Variants in SMPDL3A observed in about 807,000 individuals in gnomAD.
The protein encoded by SMPDL3A is cyclic GMP-AMP phosphodiesterase SMPDL3A.
Under a neutral mutation model 38.5 loss-of-function variants are expected in SMPDL3A, and 39 were observed. That is an observed-to-expected ratio of 1.01 (90% CI 0.78 to 1.32). SMPDL3A has a LOEUF of 1.32. SMPDL3A is among the 40% of genes most tolerant of loss of function. The pLI is 0.00. For synonymous variants in SMPDL3A, 180 were observed against 194.3 expected (o/e 0.93, Z 0.61); for missense variants, 502 against 536.2 (o/e 0.94, Z 0.63).
chr6:122,801,369 A>G lies in SMPDL3A; in HGVS notation c.531A>G (p.Pro177=). 1 of 1,613,258 alleles carries G rather than the reference A, an allele frequency of 6.2e-7. No individual in the cohort carries two copies. The highest frequency in any genetic ancestry group is 8.5e-7 in the Non-Finnish European group (1 of 1,179,168). ...VYNAVANLWK[P]WLDEEAISTL... ...ATGCAGTAGCAAACCTCTGGAAACCATGGCTAGATGAAGAAGCTATTAGTA... is the reference window on the plus strand; with the variant it reads ...ATGCAGTAGCAAACCTCTGGAAACCGTGGCTAGATGAAGAAGCTATTAGTA... Residue 177 remains proline (P), a synonymous_variant, in exon 4 of 8, where the codon CCA becomes CCG. Transcript: ENST00000368440.
At chr6:122,798,340 T>A (rs1168311959) in intron 3 of SMPDL3A, among the ~76,000 whole-genome samples, 5 of 152,152 alleles carry the variant, frequency 3.3e-5, no homozygotes, top group African/African-American at 1.2e-4. Context: ...CAGCCCAAGG[T>A]CACACACATT....
chr6:122,807,465 C>G (rs1017318046), intron 7 of SMPDL3A, among the ~76,000 whole-genome samples: 18 of 152,120 alleles, frequency 1.2e-4, no homozygotes, highest in Non-Finnish European at 2.1e-4. Context: ...CGCCACTGCA[C>G]TCCAGCCTGG....
At chr6:122,801,462 A>G in intron 4 of SMPDL3A, 56 bp downstream of exon 4, 1 of 1,262,970 alleles carries the variant, frequency 7.9e-7, no homozygotes, top group Non-Finnish European at 1.2e-6. Flanking sequence ...CATGTTATTT[A>G]GACTTAAATT....
intron 3 of SMPDL3A, among the ~76,000 whole-genome samples, chr6:122,800,754 G>T (rs77663991): frequency 2.0e-5 from 3 of 151,892 alleles, no homozygotes; most frequent in East Asian, 1.9e-4. Flanking sequence ...TTGTTTGTTT[G>T]TTTTTTTGTT....
intron 3 of SMPDL3A, among the ~76,000 whole-genome samples, chr6:122,797,677 C>T (rs1209863344): frequency 1.3e-5 from 2 of 152,150 alleles, no homozygotes; most frequent in Non-Finnish European, 2.9e-5. Flanking sequence ...GGGCAATTGT[C>T]TCCTGTGGTA....
intron 1 of SMPDL3A, chr6:122,789,848 C>G: frequency 2.0e-6 from 2 of 985,424 alleles, no homozygotes; most frequent in Non-Finnish European, 2.4e-6. Context: ...TCCAGCACAG[C>G]AAGAGGCCCC....
chr6:122,804,852 G>A (rs1047590378), intron 5 of SMPDL3A, 57 bp from the exon 6 acceptor site: 63 of 1,458,064 alleles, frequency 4.3e-5, no homozygotes, highest in Non-Finnish European at 5.6e-5. Context: ...ATGTCATTTA[G>A]TTATGATGAA....
chr6:122,795,674 C>T lies in SMPDL3A; in HGVS notation c.113-3C>T, dbSNP rs766480615. Reference sequence around the variant, plus strand: ...TTATCTGCATTTTTTGTGTAATCAACAGGACAGTTTTGGCATGTGACTGAC... The same window carrying T: ...TTATCTGCATTTTTTGTGTAATCAATAGGACAGTTTTGGCATGTGACTGAC... On this transcript the variant is annotated splice_region_variant and splice_polypyrimidine_tract_variant and intron_variant, in intron 1 of 7. Transcript: ENST00000368440. 5.6e-6 allele frequency: 9 copies of T among 1,609,724 alleles called. No individual in the cohort carries two copies. Among genetic ancestry groups the T allele is most frequent in the Non-Finnish European group, 7.6e-6 (9 of 1,177,134 alleles).
chr6:122,801,203 T>G, intron 3 of SMPDL3A, 107 bp from the exon 4 acceptor site: 2 of 746,264 alleles, frequency 2.7e-6, no homozygotes, highest in Non-Finnish European at 4.7e-6. Flanking sequence ...ATAATCATCC[T>G]TGCATCTCTA....
chr6:122,793,994 C>G (rs1210759042), intron 1 of SMPDL3A, among the ~76,000 whole-genome samples: 1 of 151,994 alleles, frequency 6.6e-6, no homozygotes, highest in Non-Finnish European at 1.5e-5. Flanking sequence ...TTTATTAAAA[C>G]AATTTGAACA....
intron 1 of SMPDL3A, among the ~76,000 whole-genome samples, chr6:122,793,799 T>C (rs535120556): frequency 1.8e-4 from 27 of 152,322 alleles, no homozygotes; most frequent in African/African-American, 6.5e-4. Context: ...ACGTATCAAC[T>C]GTTTCACCTT....
chr6:122,801,820 T>C (rs894051088), intron 4 of SMPDL3A, among the ~76,000 whole-genome samples: 4 of 152,202 alleles, frequency 2.6e-5, no homozygotes, highest in Non-Finnish European at 5.9e-5. Context: ...ACATGGACTT[T>C]GAGGTGCTTG....
chr6:122,809,227 A>C lies in SMPDL3A; in HGVS notation c.1181A>C (p.Gln394Pro). ...GAAAGTTTATATGGATTAGCTAAAC[A>C]ATTTACAATCCTAGACAGTAAGCAG... is the stretch of plus-strand genomic sequence containing the variant. ...QPESLYGLAKQFTILDSKQFI... is the reference protein window; with the variant it reads ...QPESLYGLAKPFTILDSKQFI... The change falls in exon 8 of 8, where the codon CAA becomes CCA. Residue 394 changes from glutamine to proline, a missense_variant. Physicochemically the swap from Gln to Pro is moderately conservative, Grantham distance 76. Transcript: ENST00000368440. The C allele has an allele frequency of 3.7e-6, 6 of 1,614,232 alleles. No individual in the cohort carries two copies. Among genetic ancestry groups the C allele is most frequent in the Non-Finnish European group, 4.2e-6 (5 of 1,180,038 alleles).
At position 122,793,070 on chromosome 6, in the gene SMPDL3A, G is replaced by A. The variant is rs558984663; in HGVS notation, c.113-2607G>A. Among the ~76,000 whole-genome samples, 17 of 152,246 alleles carry A rather than the reference G, an allele frequency of 1.1e-4. No individual in the cohort carries two copies. The South Asian group carries it at 3.3e-3, about 30-fold the overall frequency. On this transcript the variant is annotated intron_variant, in intron 1 of 7. Transcript: ENST00000368440. ...TGTAACTTGAATTTAATCTCTGTGT[G>A]CTTCAGTTTCTTATCTGTAAAATGG...
intron 5 of SMPDL3A, 127 bp from the exon 6 acceptor site, chr6:122,804,782 A>G (rs1263608273): frequency 2.8e-6 from 2 of 722,508 alleles, no homozygotes; most frequent in Non-Finnish European, 4.5e-6. Context: ...TATAAATAGA[A>G]GAGATGATAT....
At chr6:122,807,308 C>T (rs1241151408) in intron 7 of SMPDL3A, among the ~76,000 whole-genome samples, 2 of 152,134 alleles carry the variant, frequency 1.3e-5, no homozygotes, top group African/African-American at 4.8e-5. Context: ...ACCATATTGG[C>T]TGACACGGTG....
In SMPDL3A at chr6:122,795,980, A is replaced by G. The variant is rs1261976755; in HGVS notation, c.326+90A>G. The G allele has an allele frequency of 5.3e-6, 5 of 940,758 alleles. No homozygotes were observed. The East Asian group carries it at 1.3e-4, about 24-fold the overall frequency. 58.3% of individuals were successfully genotyped at this position (940,758 alleles called of 1,614,324 possible). On this transcript the variant is annotated intron_variant, in intron 2 of 7. Transcript: ENST00000368440. ...GAGTGCTGAATTCCATAATAAGATTAGTTACATTTTAAGAGTTATTTGAGT... is the reference window on the plus strand; with the variant it reads ...GAGTGCTGAATTCCATAATAAGATTGGTTACATTTTAAGAGTTATTTGAGT...
At chr6:122,798,136 C>T (rs140813396) in intron 3 of SMPDL3A, among the ~76,000 whole-genome samples, 185 of 152,242 alleles carry the variant, frequency 1.2e-3, no homozygotes, top group African/African-American at 4.1e-3. Context: ...TTTAGTTAAT[C>T]GAACCTGAAT....
chr6:122,798,905 A>G (rs538836714), intron 3 of SMPDL3A, among the ~76,000 whole-genome samples: 13 of 152,212 alleles, frequency 8.5e-5, no homozygotes, highest in Non-Finnish European at 1.8e-4. Flanking sequence ...TTATGATCTT[A>G]TATCTAAAAA....
Sources: allele counts gnomAD v4.1 joint callset (sites outside exome capture counted in the v4.1 genomes callset), GRCh38; gene constraint gnomAD v4.1.1; transcripts MANE v1.5; gene names NCBI Gene and HGNC (gene_info 2026-07-23, HGNC 2026-07-21).